ITGB1BP1: variants seen among roughly 807,000 people sequenced by gnomAD.
The protein encoded by ITGB1BP1 is integrin beta-1-binding protein 1.
Under a neutral mutation model 28.0 loss-of-function variants are expected in ITGB1BP1, and 20 were observed. That is an observed-to-expected ratio of 0.71 (90% CI 0.50 to 1.04). ITGB1BP1 has a LOEUF of 1.04. Among genes scored for constraint, ITGB1BP1 ranks in the 50% least tolerant of loss-of-function variants. The pLI is 0.00. For synonymous variants in ITGB1BP1, 103 were observed against 89.5 expected (o/e 1.15, Z -0.85); for missense variants, 228 against 242.5 (o/e 0.94, Z 0.40).
intron 4 of ITGB1BP1, among the ~76,000 whole-genome samples, chr2:9,409,125 TC>T (rs1218594695): frequency 6.6e-6 from 1 of 152,144 alleles, no homozygotes; most frequent in African/African-American, 2.4e-5. Flanking sequence ...CCGCAGATAA[TC>T]CCTGACAGCT....
At position 9,412,316 on chromosome 2, in the gene ITGB1BP1, CT is replaced by C; in HGVS notation, c.240del (p.Gly81AlafsTer6). 1 of 1,612,730 alleles carries C rather than the reference CT, an allele frequency of 6.2e-7. No individual in the cohort carries two copies. Among genetic ancestry groups the C allele is most frequent in the Non-Finnish European group, 8.5e-7 (1 of 1,179,240 alleles). The stretch of plus-strand genomic sequence containing the variant: ...ATCAGGTCTAATGGCCCTTCAAGGC[CT>C]TTTCCCTCGGAGAGTTTCAGTTTCT... The part of the protein sequence containing the change: ...AIEKLKLSEG[K>X]GLEGPLDLIN... On this transcript the variant is annotated frameshift_variant, in exon 4 of 7. Transcript: ENST00000355346. LOFTEE classifies it high-confidence loss of function.
At position 9,406,889 on chromosome 2, in the gene ITGB1BP1, AT is replaced by A. The variant is rs1365147751; in HGVS notation, c.547del (p.Ile183PhefsTer13). The A allele has an allele frequency of 6.2e-7, 1 of 1,612,624 alleles. No individual in the cohort carries two copies. Among genetic ancestry groups the A allele is most frequent in the Admixed American group, 1.7e-5 (1 of 60,026 alleles). Reference protein sequence around the residue: ...QCNSLEQAQAICKVLSTAFDS... With the variant: ...QCNSLEQAQAXCKVLSTAFDS... ...AAAAGCGGTGGATAAAACCTTGCAA[AT>A]GGCTTGTGCTTGTTCCTACATTACA... On this transcript the variant is annotated frameshift_variant, in exon 7 of 7. Transcript: ENST00000355346. LOFTEE classifies it high-confidence loss of function.
chr2:9,412,455 C>T (rs767733071), intron 3 of ITGB1BP1, 50 bp from the exon 4 acceptor site: 2 of 1,489,180 alleles, frequency 1.3e-6, no homozygotes, highest in Non-Finnish European at 1.8e-6. Context: ...ATCTGCATTA[C>T]AGAGTATCCT....
At chr2:9,421,829 C>T (rs1411894125) in intron 1 of ITGB1BP1, among the ~76,000 whole-genome samples, 1 of 152,144 alleles carries the variant, frequency 6.6e-6, no homozygotes, top group Non-Finnish European at 1.5e-5. Flanking sequence ...CTCCTCTCCT[C>T]TCCTCTCCCT....
intron 2 of ITGB1BP1, among the ~76,000 whole-genome samples, chr2:9,417,083 T>C (rs894120475): frequency 1.3e-5 from 2 of 152,056 alleles, no homozygotes; most frequent in African/African-American, 4.8e-5. Flanking sequence ...GCTCCTGCCC[T>C]TTCCCTGCTC....
chr2:9,420,284 C>T (rs4516401), intron 1 of ITGB1BP1: 46,667 of 152,164 alleles, frequency 0.31, 9,883 homozygotes, highest in African/African-American at 0.6. Context: ...ATCCAATTTA[C>T]TTCTATATTT....
At chr2:9,412,573 CTAACCTTTTCCTCAGTGACTCATGGTA>C in intron 3 of ITGB1BP1, 168 bp from the exon 4 acceptor site, 1 of 577,020 alleles carries the variant, frequency 1.7e-6, no homozygotes. Context: ...TAAAATTTCA[CTAACCTTTTCCTCAGTGACTCATGGTA>C]TACTAAATAT....
intron 1 of ITGB1BP1, 43 bp from the exon 2 acceptor site, chr2:9,418,775 A>AATT: frequency 7.6e-7 from 1 of 1,315,050 alleles, no homozygotes; most frequent in Non-Finnish European, 1.1e-6. Flanking sequence ...GGGAAAAGCA[A>AATT]CTTTTTTTTT....
intron 2 of ITGB1BP1, among the ~76,000 whole-genome samples, chr2:9,417,216 G>A (rs957683207): frequency 1.5e-4 from 23 of 151,670 alleles, no homozygotes; most frequent in African/African-American, 5.1e-4. Context: ...CACCTGCCTC[G>A]CCCAGGCCAC....
intron 2 of ITGB1BP1, among the ~76,000 whole-genome samples, chr2:9,417,157 G>A (rs1679248200): frequency 2.0e-5 from 3 of 151,906 alleles, no homozygotes; most frequent in Admixed American, 6.6e-5. Flanking sequence ...GGCCCCAGGC[G>A]CCCCCTGCTT....
intron 2 of ITGB1BP1, 98 bp from the exon 3 acceptor site, chr2:9,414,354 G>A: frequency 1.2e-6 from 1 of 808,982 alleles, no homozygotes; most frequent in Non-Finnish European, 2.1e-6. Flanking sequence ...GAGTTGAGCT[G>A]ACACATACAA....
intron 4 of ITGB1BP1, among the ~76,000 whole-genome samples, chr2:9,409,752 G>A (rs1319150614): frequency 5.9e-5 from 9 of 151,842 alleles, no homozygotes; most frequent in Non-Finnish European, 1.2e-4. Context: ...ATGAGGTTAC[G>A]TGAGGACTTA....
intron 4 of ITGB1BP1, chr2:9,412,061 AAAG>A: frequency 6.3e-6 from 3 of 475,974 alleles, no homozygotes; most frequent in South Asian, 3.1e-5. Flanking sequence ...AAAAAAAAAA[AAAG>A]TACCGTGTTT....
At chr2:9,420,006 A>G in intron 1 of ITGB1BP1, 1 of 947,292 alleles carries the variant, frequency 1.1e-6, no homozygotes. Context: ...ATTGAACACT[A>G]TTTGACTGTC....
Position 9,407,527 on chromosome 2 carries a change from T to TC in ITGB1BP1, c.452dup (p.Ser153LysfsTer13), listed in dbSNP as rs749183642. On this transcript the variant is annotated frameshift_variant, in exon 6 of 7. Coordinates refer to ENST00000355346, the MANE Select transcript of ITGB1BP1 (RefSeq NM_004763.5). LOFTEE classifies it high-confidence loss of function. Reference sequence around the variant, plus strand: ...TGGTCTTCAGAGCCAGTAAGCTTTTTCCCGCCCCCAGACCGTCATCGTAAC... The same window carrying TC: ...TGGTCTTCAGAGCCAGTAAGCTTTTTCCCCGCCCCCAGACCGTCATCGTAAC... 20 of 1,614,172 alleles carry TC rather than the reference T, an allele frequency of 1.2e-5. No homozygotes were observed. The highest frequency in any genetic ancestry group is 4.0e-5 in the African/African-American group (3 of 75,038).
At chr2:9,423,218 C>T in intron 1 of ITGB1BP1, 155 bp downstream of exon 1, 1 of 1,098,144 alleles carries the variant, frequency 9.1e-7, no homozygotes, top group Non-Finnish European at 1.1e-6. Flanking sequence ...GGGAGCGCGG[C>T]CCCGCCCGGA....
At chr2:9,418,134 T>C (rs1679372314) in intron 2 of ITGB1BP1, among the ~76,000 whole-genome samples, 1 of 152,216 alleles carries the variant, frequency 6.6e-6, no homozygotes, top group Non-Finnish European at 1.5e-5. Context: ...CAAAATGAAA[T>C]CACTTTATTA....
chr2:9,414,524 C>T (rs548576768), intron 2 of ITGB1BP1, among the ~76,000 whole-genome samples: 56 of 152,320 alleles, frequency 3.7e-4, no homozygotes, highest in Non-Finnish European at 6.6e-4. Flanking sequence ...CGATTTAAAT[C>T]GAAGCCATTA....
In ITGB1BP1 at chr2:9,404,288, C is replaced by G. The variant is rs1017206873; in HGVS notation, c.*2546G>C. Reference sequence around the variant, plus strand: ...TAGTGTCTTGTATTTCTATAATACTCCAACAGGAATGGTAGTCACACTGTC... The same window carrying G: ...TAGTGTCTTGTATTTCTATAATACTGCAACAGGAATGGTAGTCACACTGTC... On this transcript the variant is annotated 3_prime_UTR_variant, in exon 7 of 7. Coordinates refer to ENST00000355346, the MANE Select transcript of ITGB1BP1 (RefSeq NM_004763.5). The G allele has an allele frequency of 6.6e-6, 1 of 152,132 alleles. No individual in the cohort carries two copies. Among genetic ancestry groups the G allele is most frequent in the African/African-American group, 2.4e-5 (1 of 41,416 alleles). 9.4% of individuals were successfully genotyped at this position (152,132 alleles called of 1,614,324 possible). A position where few individuals can be genotyped will look rare whatever the true frequency, so the allele number is the denominator to read the frequency against.
Sources: allele counts gnomAD v4.1 joint callset (sites outside exome capture counted in the v4.1 genomes callset), GRCh38; gene constraint gnomAD v4.1.1; transcripts MANE v1.5; gene names NCBI Gene and HGNC (gene_info 2026-07-23, HGNC 2026-07-21).